Variants in OR7G2 observed in about 807,000 individuals in gnomAD.
OR7G2 encodes the protein olfactory receptor family 7 subfamily G member 2, also known as olfactory receptor 7G2.
For missense variants in OR7G2, 362 were observed against 384.0 expected, an observed-to-expected ratio of 0.94 and a Z score of 0.48; for synonymous variants, 153 against 152.2, an observed-to-expected ratio of 1.01 and a Z score of -0.04.
chr19:9,107,208 A>G (rs2050391016), intron 1 of OR7G2, 106 bp downstream of exon 1: 2 of 152,136 alleles, frequency 1.3e-5, no homozygotes, highest in African/African-American at 2.4e-5. Flanking sequence ...TCTCTAAAAA[A>G]ACCCCAAAAA....
chr19:9,105,047 T>C (rs1461292021), intron 1 of OR7G2, among the ~76,000 whole-genome samples: 1 of 151,856 alleles, frequency 6.6e-6, no homozygotes, highest in African/African-American at 2.4e-5. Flanking sequence ...CTCGGCTCCC[T>C]GCAACCTCCG....
At chr19:9,103,710 C>T (rs1026262462) in intron 1 of OR7G2, among the ~76,000 whole-genome samples, 11 of 143,072 alleles carry the variant, frequency 7.7e-5, no homozygotes, top group African/African-American at 2.9e-4. Context: ...GTAGAGACGG[C>T]GGGGGTGGGG....
intron 1 of OR7G2, among the ~76,000 whole-genome samples, chr19:9,107,006 A>G (rs961934399): frequency 2.6e-5 from 4 of 151,946 alleles, no homozygotes; most frequent in African/African-American, 9.7e-5. Context: ...GTGTAAGACC[A>G]GCCTGGGCAA....
chr19:9,105,623 C>T lies in OR7G2; in HGVS notation c.-17+1691G>A, dbSNP rs138305594. On this transcript the variant is annotated intron_variant, in intron 1 of 1. Coordinates refer to ENST00000641081, the MANE Select transcript of OR7G2 (RefSeq NM_001005193.2). ...CAGCACTTTGGGAGGCTAAGGCAGG[C>T]GGATCATGAGGTCAGGAGTTCGAGA... Among the ~76,000 whole-genome samples the T allele has an allele frequency of 5.1e-3, 778 of 151,618 alleles. 5 individuals carry two copies. The highest frequency in any genetic ancestry group is 0.017 in the African/African-American group (721 of 41,352).
intron 1 of OR7G2, among the ~76,000 whole-genome samples, chr19:9,105,662 C>A (rs1415995808): frequency 1.3e-5 from 2 of 151,950 alleles, no homozygotes; most frequent in Non-Finnish European, 2.9e-5. Context: ...GCCTAGCCAA[C>A]ATGGTGAAAC....
At position 9,103,265 on chromosome 19, in the gene OR7G2, G is replaced by A. The variant is rs750204957; in HGVS notation, c.-16-6C>T. ...CCATGCTGTTGATGATGAATCTGAT[G>A]GAAAAGATAATAAAATCTGTAAGCA... is the stretch of plus-strand genomic sequence containing the variant. On this transcript the variant is annotated splice_region_variant and splice_polypyrimidine_tract_variant and intron_variant, in intron 1 of 1. Coordinates refer to ENST00000641081, the MANE Select transcript of OR7G2 (RefSeq NM_001005193.2). The A allele has an allele frequency of 5.0e-6, 8 of 1,613,790 alleles. No homozygotes were observed. The highest frequency in any genetic ancestry group is 5.9e-6 in the Non-Finnish European group (7 of 1,179,898).
chr19:9,103,141 A>G lies in OR7G2; in HGVS notation c.103T>C (p.Tyr35His). 6.2e-7 allele frequency: 1 copy of G among 1,614,166 alleles called. No homozygotes were observed. ...PVLFSLFLSM[Y>H]LVTILGNLLI... ...AGGTTCCCCAGGATGGTGACCAAGT[A>G]CATGGACAGGAACAGGCTGAAAAGG... The change falls in exon 2 of 2, where the codon TAC becomes CAC. Residue 35 changes from tyrosine to histidine, a missense_variant. By Grantham distance (83) the Tyr-to-His change is moderately conservative. Transcript: ENST00000641081.
intron 1 of OR7G2, 30 bp from the exon 2 acceptor site, chr19:9,103,289 C>A (rs770078695): frequency 6.2e-7 from 1 of 1,612,422 alleles, no homozygotes; most frequent in African/African-American, 1.3e-5. Flanking sequence ...AATCTGTAAG[C>A]AGCAGCTGCA....
rs369583798 is a variant in OR7G2, at chr19:9,102,932, G to T, written c.312C>A (p.Val104=). ...AATTTTCCAAGCCAGCAAAAAACAA[G>T]ACAAAGCAGATCTGGGTGAGGCAGC... ...YSGCLTQICF[V]LFFAGLENCL... Residue 104 remains valine (V), a synonymous_variant, in exon 2 of 2, where the codon GTC becomes GTA. Transcript: ENST00000641081. The T allele has an allele frequency of 3.1e-6, 5 of 1,614,078 alleles. No individual in the cohort carries two copies. Among genetic ancestry groups the T allele is most frequent in the Non-Finnish European group, 4.2e-6 (5 of 1,180,050 alleles).
intron 1 of OR7G2, among the ~76,000 whole-genome samples, chr19:9,104,209 C>T (rs966506587): frequency 6.6e-6 from 1 of 151,992 alleles, no homozygotes; most frequent in Non-Finnish European, 1.5e-5. Context: ...AATCTTTTAT[C>T]TTTATTCTTT....
intron 1 of OR7G2, among the ~76,000 whole-genome samples, chr19:9,104,563 C>T (rs1384067873): frequency 2.0e-5 from 3 of 151,860 alleles, no homozygotes; most frequent in Non-Finnish European, 4.4e-5. Flanking sequence ...CGTGGTGGCT[C>T]ATGCTTGTAA....
chr19:9,106,320 G>A (rs1044726722), intron 1 of OR7G2, among the ~76,000 whole-genome samples: 6 of 151,948 alleles, frequency 3.9e-5, no homozygotes, highest in African/African-American at 1.5e-4. Context: ...AGCTACTTGG[G>A]AGGCTGAGGC....
Position 9,102,345 on chromosome 19 carries a change from G to A in OR7G2, c.899C>T (p.Thr300Ile). The part of the protein sequence containing the change: ...YSLRNKDMKG[T>I]LRKFIGRIPS... ...TATCCTCCCTATGAACTTCCTCAAG[G>A]TTCCTTTCATGTCCTTATTCCTCAG... The change falls in exon 2 of 2, where the codon ACC becomes ATC. Residue 300 changes from threonine (T) to isoleucine (I), a missense_variant. By Grantham distance (89) the Thr-to-Ile change is moderately conservative (BLOSUM62 -1). Coordinates refer to ENST00000641081, the MANE Select transcript of OR7G2 (RefSeq NM_001005193.2). 1 of 1,613,974 alleles carries A rather than the reference G, an allele frequency of 6.2e-7. No individual in the cohort carries two copies.
chr19:9,104,200 A>C (rs569354728), intron 1 of OR7G2, among the ~76,000 whole-genome samples: 3 of 152,160 alleles, frequency 2.0e-5, no homozygotes, highest in Admixed American at 1.3e-4. Flanking sequence ...GAATGTGGAA[A>C]TCTTTTATCT....
Position 9,102,192 on chromosome 19 carries a change from A to G in OR7G2, c.*77T>C. On this transcript the variant is annotated 3_prime_UTR_variant, in exon 2 of 2. Transcript: ENST00000641081. ...ACTCCAGCCTGGGAGACAGAGAAAG[A>G]CTCCATCTCAGAGAAAAAAACAAAA... is the stretch of plus-strand genomic sequence containing the variant. The G allele has an allele frequency of 1.5e-6, 2 of 1,306,422 alleles. No individual in the cohort carries two copies. The highest frequency in any genetic ancestry group is 2.1e-6 in the Non-Finnish European group (2 of 946,754). 80.9% of individuals were successfully genotyped at this position (1,306,422 alleles called of 1,614,324 possible). A position where few individuals can be genotyped will look rare whatever the true frequency, so the allele number is the denominator to read the frequency against.
chr19:9,104,062 T>C (rs1035615607), intron 1 of OR7G2, among the ~76,000 whole-genome samples: 12 of 150,872 alleles, frequency 8.0e-5, no homozygotes, highest in Non-Finnish European at 1.6e-4. Flanking sequence ...TTTTTTCGTA[T>C]GTTTAGTAGA....
In OR7G2 at chr19:9,102,176, TG is replaced by T; in HGVS notation, c.*92del. On this transcript the variant is annotated 3_prime_UTR_variant, in exon 2 of 2. Coordinates refer to ENST00000641081, the MANE Select transcript of OR7G2 (RefSeq NM_001005193.2). ...GAGGTCGTGCCATTGCACTCCAGCCTGGGAGACAGAGAAAGACTCCATCTCA... is the reference window on the plus strand; with the variant it reads ...GAGGTCGTGCCATTGCACTCCAGCCTGGAGACAGAGAAAGACTCCATCTCA... 1 of 1,206,492 alleles carries T rather than the reference TG, an allele frequency of 8.3e-7. No individual in the cohort carries two copies. Among genetic ancestry groups the T allele is most frequent in the Non-Finnish European group, 1.2e-6 (1 of 864,128 alleles). The allele number at this position is 1,206,492 out of a possible 1,614,324, so 74.7% of individuals were successfully genotyped here. A position where few individuals can be genotyped will look rare whatever the true frequency, so the allele number is the denominator to read the frequency against.
rs573422903 is a variant in OR7G2 at position 9,100,436 on chromosome 19, G to T, written c.*1833C>A. ...TTTAGTAGAGATGGGGTTTCACCAC[G>T]TGGGCCAGGCCAGTTTTGAACTCCT... On this transcript the variant is annotated 3_prime_UTR_variant, in exon 2 of 2. Coordinates refer to ENST00000641081, the MANE Select transcript of OR7G2 (RefSeq NM_001005193.2). 6.6e-6 allele frequency: 1 copy of T among 152,028 alleles called. No individual in the cohort carries two copies. The highest frequency in any genetic ancestry group is 1.5e-5 in the Non-Finnish European group (1 of 68,046). The allele number at this position is 152,028 out of a possible 1,614,324, so 9.4% of individuals were successfully genotyped here.
chr19:9,102,445 A>C lies in OR7G2; in HGVS notation c.799T>G (p.Ser267Ala). The C allele has an allele frequency of 1.2e-6, 2 of 1,614,024 alleles. No individual in the cohort carries two copies. The highest frequency in any genetic ancestry group is 1.7e-6 in the Non-Finnish European group (2 of 1,179,904). ...GAAGCCACTGCAGTCTTCCTAGGTGAGTCAGTAACCACAGAACTAATGTAC... is the reference window on the plus strand; with the variant it reads ...GAAGCCACTGCAGTCTTCCTAGGTGCGTCAGTAACCACAGAACTAATGTAC... ...GVYISSVVTD[S>A]PRKTAVASVM... The change falls in exon 2 of 2, where the codon TCA becomes GCA. Residue 267 changes from serine (S) to alanine (A), a missense_variant. Physicochemically the swap from Ser to Ala is moderately conservative, Grantham distance 99 (BLOSUM62 1). Coordinates refer to ENST00000641081, the MANE Select transcript of OR7G2 (RefSeq NM_001005193.2).
Sources: allele counts gnomAD v4.1 joint callset (sites outside exome capture counted in the v4.1 genomes callset), GRCh38; gene constraint gnomAD v4.1.1; transcripts MANE v1.5; gene names NCBI Gene and HGNC (gene_info 2026-07-23, HGNC 2026-07-21).